NOL4: variants seen among roughly 807,000 people sequenced by gnomAD.
NOL4 encodes nucleolar protein 4, also known as cancer/testis antigen 125.
In NOL4, 17 loss-of-function variants were observed where a neutral mutation model predicts 75.9. The ratio of observed to expected loss-of-function variants is 0.22; its 90% CI spans 0.15 to 0.34. The LOEUF (loss-of-function observed/expected upper bound fraction) is 0.34. Ranked by LOEUF, NOL4 falls within the 10% of genes least tolerant of loss-of-function variation. NOL4 has a pLI of 1.00. For synonymous variants in NOL4, 292 were observed against 289.9 expected (o/e 1.01, Z -0.07); for missense variants, 614 against 793.5 (o/e 0.77, Z 2.72).
intron 5 of NOL4, among the ~76,000 whole-genome samples, chr18:34,087,825 G>A (rs2078316621): frequency 6.6e-6 from 1 of 151,684 alleles, no homozygotes; most frequent in South Asian, 2.1e-4. Context: ...ATGTGTCTTA[G>A]TGGGAGGCAA....
intron 10 of NOL4, among the ~76,000 whole-genome samples, chr18:33,859,245 A>T (rs1394834389): frequency 6.6e-6 from 1 of 152,096 alleles, no homozygotes; most frequent in East Asian, 1.9e-4. Flanking sequence ...ATATTCCATA[A>T]ATCTAGTTAT....
intron 1 of NOL4, among the ~76,000 whole-genome samples, chr18:34,143,383 A>C (rs2146018291): frequency 6.6e-6 from 1 of 152,326 alleles, no homozygotes; most frequent in Middle Eastern, 3.4e-3. Flanking sequence ...CAATTCTCAC[A>C]GAATACTTTC....
At chr18:34,121,517 A>G (rs1484144371) in intron 2 of NOL4, among the ~76,000 whole-genome samples, 1 of 152,180 alleles carries the variant, frequency 6.6e-6, no homozygotes, top group African/African-American at 2.4e-5. Flanking sequence ...GGCAATAATT[A>G]GCCATCTTAG....
At chr18:34,206,637 T>C (rs1163490523) in intron 1 of NOL4, among the ~76,000 whole-genome samples, 7 of 152,166 alleles carry the variant, frequency 4.6e-5, no homozygotes, top group Non-Finnish European at 1.0e-4. Flanking sequence ...AACGTGTAAT[T>C]TTCCCCTGGC....
intron 5 of NOL4, among the ~76,000 whole-genome samples, chr18:34,039,779 A>G (rs1377841159): frequency 1.3e-5 from 2 of 152,042 alleles, no homozygotes; most frequent in African/African-American, 4.8e-5. Flanking sequence ...CTGACTTACA[A>G]TGGTTCAACT....
chr18:33,938,566 G>A (rs1218866601), intron 9 of NOL4, among the ~76,000 whole-genome samples: 8 of 152,004 alleles, frequency 5.3e-5, no homozygotes, highest in Non-Finnish European at 8.8e-5. Flanking sequence ...TTTCTTGGCC[G>A]CATAAATGTC....
At chr18:34,143,081 G>GAGGGAAGGGAAGGGAAGCGA (rs1568388942) in intron 1 of NOL4, among the ~76,000 whole-genome samples, 30 of 148,834 alleles carry the variant, frequency 2.0e-4, no homozygotes, top group Non-Finnish European at 6.0e-5. Context: ...GAAGGGAGGG[G>GAGGGAAGGGAAGGGAAGCGA]AGGGAAGGGA....
At chr18:33,885,791 ACC>A (rs2064604486) in intron 9 of NOL4, among the ~76,000 whole-genome samples, 1 of 152,152 alleles carries the variant, frequency 6.6e-6, no homozygotes, top group African/African-American at 2.4e-5. Flanking sequence ...AAATTGCACT[ACC>A]ATCTGATCCA....
At position 33,861,785 on chromosome 18, in the gene NOL4, G is replaced by A. The variant is rs540881922; in HGVS notation, c.1724-8750C>T. Reference sequence around the variant, plus strand: ...AAATAAAAGAGGATACAAACAAATGGAAGAACATTCCATGCTCATGGGTAG... The same window carrying A: ...AAATAAAAGAGGATACAAACAAATGAAAGAACATTCCATGCTCATGGGTAG... On this transcript the variant is annotated intron_variant, in intron 10 of 10. Transcript: ENST00000261592. 1.5e-3 allele frequency among the ~76,000 whole-genome samples: 229 copies of A among 152,152 alleles called. 1 individual carries two copies. The highest frequency in any genetic ancestry group is 5.3e-3 in the African/African-American group (219 of 41,538).
intron 6 of NOL4, among the ~76,000 whole-genome samples, chr18:33,989,190 CAAAAAAAAAAAAAAA>C (rs55924436): frequency 1.5e-5 from 1 of 65,086 alleles, no homozygotes; most frequent in Non-Finnish European, 2.7e-5. Flanking sequence ...CCCATCTCTA[CAAAAAAAAAAAAAAA>C]AAAAAAAAAA....
At chr18:34,205,228 G>GA (rs2036037861) in intron 1 of NOL4, among the ~76,000 whole-genome samples, 1 of 152,094 alleles carries the variant, frequency 6.6e-6, no homozygotes, top group Non-Finnish European at 1.5e-5. Context: ...AGACCTGAAG[G>GA]AATGTTGATG....
At chr18:34,110,774 C>G (rs2079549264) in intron 2 of NOL4, among the ~76,000 whole-genome samples, 1 of 151,876 alleles carries the variant, frequency 6.6e-6, no homozygotes, top group South Asian at 2.1e-4. Context: ...ATCTTATAGA[C>G]AGAAAATCCT....
chr18:34,011,376 G>T (rs2074364141), intron 6 of NOL4, among the ~76,000 whole-genome samples: 2 of 151,762 alleles, frequency 1.3e-5, no homozygotes, highest in Admixed American at 1.3e-4. Flanking sequence ...ATAACTCTAT[G>T]AGTCTAGTAT....
At chr18:33,904,772 G>A (rs2080849482) in intron 9 of NOL4, among the ~76,000 whole-genome samples, 1 of 152,118 alleles carries the variant, frequency 6.6e-6, no homozygotes, top group Non-Finnish European at 1.5e-5. Flanking sequence ...ATTGATAGTG[G>A]GGAAGAAACT....
intron 5 of NOL4, among the ~76,000 whole-genome samples, chr18:34,046,236 G>A (rs180877425): frequency 7.9e-5 from 12 of 152,102 alleles, no homozygotes; most frequent in Admixed American, 6.6e-4. Context: ...TCCAAACTCT[G>A]AGACCAGTTC....
chr18:34,015,945 T>C (rs1023638534), intron 6 of NOL4, among the ~76,000 whole-genome samples: 3 of 152,100 alleles, frequency 2.0e-5, no homozygotes, highest in Non-Finnish European at 2.9e-5. Context: ...CCTCAAAGTA[T>C]TGAGAAACAT....
At chr18:34,014,798 C>A (rs985287769) in intron 6 of NOL4, among the ~76,000 whole-genome samples, 1 of 152,028 alleles carries the variant, frequency 6.6e-6, no homozygotes, top group African/African-American at 2.4e-5. Flanking sequence ...TGATTCCCTG[C>A]TAGTCTAGTG....
intron 6 of NOL4, among the ~76,000 whole-genome samples, chr18:34,005,035 G>C (rs752879005): frequency 6.6e-6 from 1 of 152,022 alleles, no homozygotes; most frequent in Non-Finnish European, 1.5e-5. Flanking sequence ...TAAATGTTGA[G>C]ATACCGTGTT....
chr18:34,082,918 C>T (rs1324839435), intron 5 of NOL4, among the ~76,000 whole-genome samples: 1 of 152,004 alleles, frequency 6.6e-6, no homozygotes, highest in African/African-American at 2.4e-5. Context: ...TGCCAGAAAC[C>T]CTCAAAATTT....
Sources: gnomAD v4.1 joint callset for allele counts (sites outside exome capture counted in the v4.1 genomes callset) on GRCh38, gnomAD v4.1.1 for gene constraint, MANE v1.5 for transcripts, NCBI Gene and HGNC (gene_info 2026-07-23, HGNC 2026-07-21) for gene names.